Variants in CMTM7 observed in about 807,000 individuals in gnomAD.
CMTM7 encodes CKLF like MARVEL transmembrane domain containing 7, also known as CKLF-like MARVEL transmembrane domain-containing protein 7.
In CMTM7, 7 loss-of-function variants were observed where a neutral mutation model predicts 19.3. The observed-to-expected ratio is 0.36, with a 90% CI of 0.21 to 0.68. The LOEUF is 0.68. CMTM7 is among the 30% of genes least tolerant of loss of function. The pLI, the probability that CMTM7 is intolerant of heterozygous loss-of-function variation, is 0.60. For synonymous variants in CMTM7, 87 were observed against 99.3 expected (o/e 0.88, Z 0.74); for missense variants, 193 against 232.6 (o/e 0.83, Z 1.11).
intron 1 of CMTM7, among the ~76,000 whole-genome samples, chr3:32,412,443 T>C (rs929323867): frequency 4.0e-5 from 6 of 149,092 alleles, no homozygotes; most frequent in Non-Finnish European, 7.4e-5. Flanking sequence ...GCTGAGATCA[T>C]GCCACTGCAC....
intron 1 of CMTM7, among the ~76,000 whole-genome samples, chr3:32,399,665 T>C (rs1451943748): frequency 6.6e-6 from 1 of 152,140 alleles, no homozygotes; most frequent in Admixed American, 6.5e-5. Context: ...TGTTCTGCTT[T>C]AGATGTGTAT....
At chr3:32,403,352 T>C (rs1034744741) in intron 1 of CMTM7, among the ~76,000 whole-genome samples, 2 of 152,082 alleles carry the variant, frequency 1.3e-5, no homozygotes, top group Non-Finnish European at 2.9e-5. Context: ...GTATTAACAA[T>C]TGGGGCTACA....
chr3:32,403,358 C>CT (rs1357972749), intron 1 of CMTM7, among the ~76,000 whole-genome samples: 6 of 152,198 alleles, frequency 3.9e-5, no homozygotes, highest in Non-Finnish European at 8.8e-5. Context: ...ACAATTGGGG[C>CT]TACAGGTGCA....
intron 1 of CMTM7, among the ~76,000 whole-genome samples, chr3:32,441,513 T>C (rs1400391222): frequency 6.6e-6 from 1 of 152,198 alleles, no homozygotes; most frequent in African/African-American, 2.4e-5. Flanking sequence ...ATCCAGCAGA[T>C]GAAAGGGATG....
At chr3:32,408,910 G>A (rs193196873) in intron 1 of CMTM7, among the ~76,000 whole-genome samples, 178 of 151,036 alleles carry the variant, frequency 1.2e-3, no homozygotes, top group Non-Finnish European at 1.7e-3. Flanking sequence ...TTGAGACAAA[G>A]TCTCGCTCTG....
chr3:32,400,869 C>T (rs950071543), intron 1 of CMTM7, among the ~76,000 whole-genome samples: 4 of 152,204 alleles, frequency 2.6e-5, no homozygotes, highest in Non-Finnish European at 4.4e-5. Flanking sequence ...TGATGAACCT[C>T]CATGTAGAGA....
chr3:32,412,480 GACACACACACACAC>G (rs3081435), intron 1 of CMTM7, among the ~76,000 whole-genome samples: 6,312 of 120,262 alleles, frequency 0.052, 192 homozygotes, highest in South Asian at 0.076. Flanking sequence ...GATTGAGACT[GACACACACACACAC>G]ACACACACAC....
intron 1 of CMTM7, among the ~76,000 whole-genome samples, chr3:32,423,320 A>G (rs1696373243): frequency 6.6e-6 from 1 of 152,244 alleles, no homozygotes; most frequent in Non-Finnish European, 1.5e-5. Context: ...TGTGGCACTG[A>G]AGAGTGGCCA....
chr3:32,427,034 C>G lies in CMTM7; in HGVS notation c.160-14806C>G, dbSNP rs1420915507. On this transcript the variant is annotated intron_variant, in intron 1 of 4. Coordinates refer to ENST00000334983, the MANE Select transcript of CMTM7 (RefSeq NM_138410.4). ...TTCCTAATAGAGTATATGATCACTT[C>G]TATTATATAGGTGAAGAAATTGAGA... Among the ~76,000 whole-genome samples, 4 of 152,156 alleles carry G rather than the reference C, an allele frequency of 2.6e-5. No homozygotes were observed. The East Asian group carries it at 7.7e-4, about 29-fold the overall frequency.
chr3:32,424,112 T>A (rs1469301594), intron 1 of CMTM7, among the ~76,000 whole-genome samples: 1 of 152,228 alleles, frequency 6.6e-6, no homozygotes, highest in Non-Finnish European at 1.5e-5. Context: ...CCACAATGCC[T>A]GAGGCCTCAG....
At chr3:32,392,248 C>A (rs1035944604) in intron 1 of CMTM7, among the ~76,000 whole-genome samples, 183 bp downstream of exon 1, 8 of 152,224 alleles carry the variant, frequency 5.3e-5, no homozygotes, top group Admixed American at 5.2e-4. Flanking sequence ...TGCCGCAGCC[C>A]CCGCGCTGGA....
Position 32,433,437 on chromosome 3 carries a change from C to G in CMTM7, c.160-8403C>G, listed in dbSNP as rs561696194. ...GAGAATGTTCTGGCCCCATCACGAG[C>G]CAAGAATCTGGAACCTGAATCCCTA... On this transcript the variant is annotated intron_variant, in intron 1 of 4. Transcript: ENST00000334983. Among the ~76,000 whole-genome samples, 5 of 152,278 alleles carry G rather than the reference C, an allele frequency of 3.3e-5. No homozygotes were observed. In the East Asian group the frequency reaches 9.7e-4, roughly 29 times the overall value.
intron 1 of CMTM7, among the ~76,000 whole-genome samples, chr3:32,400,278 G>C (rs1323950712): frequency 6.6e-6 from 1 of 151,818 alleles, no homozygotes; most frequent in Admixed American, 6.6e-5. Flanking sequence ...CCTTGGCCTC[G>C]CAAAGTGCTA....
chr3:32,436,462 T>C (rs1286599863), intron 1 of CMTM7, among the ~76,000 whole-genome samples: 1 of 152,210 alleles, frequency 6.6e-6, no homozygotes, highest in Non-Finnish European at 1.5e-5. Flanking sequence ...CACTAACATT[T>C]ACAAATGCAG....
At chr3:32,402,857 CCGG>C (rs1197520904) in intron 1 of CMTM7, among the ~76,000 whole-genome samples, 1 of 152,204 alleles carries the variant, frequency 6.6e-6, no homozygotes, top group Non-Finnish European at 1.5e-5. Context: ...GCCACTATGG[CCGG>C]CCACTCATTT....
intron 1 of CMTM7, among the ~76,000 whole-genome samples, chr3:32,408,461 A>G (rs1332998910): frequency 6.6e-6 from 1 of 152,234 alleles, no homozygotes; most frequent in African/African-American, 2.4e-5. Context: ...TCAGAATGGC[A>G]ATGACATCTC....
At chr3:32,445,806 A>G (rs933795420) in intron 2 of CMTM7, among the ~76,000 whole-genome samples, 2 of 151,970 alleles carry the variant, frequency 1.3e-5, no homozygotes, top group Admixed American at 1.3e-4. Flanking sequence ...ATGAGCCCCC[A>G]CACCTGGCCT....
intron 3 of CMTM7, chr3:32,452,000 C>A: frequency 9.4e-7 from 1 of 1,064,252 alleles, no homozygotes; most frequent in Non-Finnish European, 1.3e-6. Context: ...CACCACAAAT[C>A]ATGGGAACGT....
intron 1 of CMTM7, among the ~76,000 whole-genome samples, chr3:32,429,746 G>T (rs566001268): frequency 6.6e-6 from 1 of 151,628 alleles, no homozygotes; most frequent in South Asian, 2.1e-4. Context: ...GACTACAGGC[G>T]CCCGCCACCA....
Sources: allele counts gnomAD v4.1 joint callset (sites outside exome capture counted in the v4.1 genomes callset), GRCh38; gene constraint gnomAD v4.1.1; transcripts MANE v1.5; gene names NCBI Gene and HGNC (gene_info 2026-07-23, HGNC 2026-07-21).